AMPH: variants seen among roughly 807,000 people sequenced by gnomAD.
The protein encoded by AMPH is amphiphysin (Stiff-Mann syndrome with breast cancer 128kD autoantigen).
AMPH carries 49 observed loss-of-function variants against 99.1 expected under a neutral mutation model. That is an observed-to-expected ratio of 0.49 (90% CI 0.39 to 0.63). The LOEUF (loss-of-function observed/expected upper bound fraction) is 0.63, where lower values mean the gene tolerates loss of function less well. Among genes scored for constraint, AMPH ranks in the 20% least tolerant of loss-of-function variants. AMPH has a pLI of 0.00. For synonymous variants in AMPH, 314 were observed against 317.3 expected, an observed-to-expected ratio of 0.99 and a Z score of 0.11; for missense variants, 759 against 863.4, an observed-to-expected ratio of 0.88 and a Z score of 1.52.
At chr7:38,493,769 G>C (rs940901923) in intron 4 of AMPH, among the ~76,000 whole-genome samples, 1 of 152,170 alleles carries the variant, frequency 6.6e-6, no homozygotes, top group African/African-American at 2.4e-5. Flanking sequence ...CATTTGGGGA[G>C]GCATAGTCAA....
intron 11 of AMPH, among the ~76,000 whole-genome samples, chr7:38,453,053 A>G (rs2129004158): frequency 6.6e-6 from 1 of 152,352 alleles, no homozygotes; most frequent in East Asian, 1.9e-4. Flanking sequence ...ACAAATGGTC[A>G]TTTAATCCAT....
intron 2 of AMPH, among the ~76,000 whole-genome samples, chr7:38,522,467 G>C (rs1790005576): frequency 6.6e-6 from 1 of 152,164 alleles, no homozygotes; most frequent in Non-Finnish European, 1.5e-5. Flanking sequence ...AGTGAGTATA[G>C]CGGGGAGACT....
chr7:38,484,224 C>A (rs540362890), intron 5 of AMPH, among the ~76,000 whole-genome samples: 37 of 152,066 alleles, frequency 2.4e-4, no homozygotes, highest in African/African-American at 8.9e-4. Flanking sequence ...TGAAAACCTC[C>A]CAAAACTGGG....
At chr7:38,569,540 A>C (rs1471617499) in intron 1 of AMPH, among the ~76,000 whole-genome samples, 2 of 152,074 alleles carry the variant, frequency 1.3e-5, no homozygotes, top group Non-Finnish European at 2.9e-5. Context: ...AGAAAAAAAA[A>C]GGAACATAAA....
At chr7:38,507,029 C>CA (rs1789352944) in intron 2 of AMPH, among the ~76,000 whole-genome samples, 1 of 151,982 alleles carries the variant, frequency 6.6e-6, no homozygotes, top group African/African-American at 2.4e-5. Context: ...CCAGAAATAG[C>CA]AAAAAAGTAG....
Position 38,503,639 on chromosome 7 carries a change from A to G in AMPH, c.205+11T>C. The G allele has an allele frequency of 6.2e-7, 1 of 1,613,252 alleles. No individual in the cohort carries two copies. The highest frequency in any genetic ancestry group is 1.1e-5 in the South Asian group (1 of 91,058). On this transcript the variant is annotated intron_variant, in intron 3 of 20. Transcript: ENST00000356264. The stretch of plus-strand genomic sequence containing the variant: ...CTAAGTAACATGCAGTAAACAACTC[A>G]TACACATTACCTTTGATTGCTGCTA...
rs920063643 is a variant in AMPH at position 38,496,504 on chromosome 7, T to C, written c.206-1977A>G. 3.3e-5 allele frequency among the ~76,000 whole-genome samples: 5 copies of C among 152,062 alleles called. No individual in the cohort carries two copies. In the East Asian group the frequency reaches 9.7e-4, roughly 29 times the overall value. On this transcript the variant is annotated intron_variant, in intron 3 of 20. Transcript: ENST00000356264. ...AGTCTGGGGTAGGAAAAAAACAGTATGACTCAAGACTCTGGGGACTCTGAT... is the reference window on the plus strand; with the variant it reads ...AGTCTGGGGTAGGAAAAAAACAGTACGACTCAAGACTCTGGGGACTCTGAT...
chr7:38,455,910 A>AT (rs1787215573), intron 11 of AMPH, among the ~76,000 whole-genome samples: 1 of 152,214 alleles, frequency 6.6e-6, no homozygotes, highest in Admixed American at 6.5e-5. Flanking sequence ...TCGCACTTTC[A>AT]TGTACTGCTA....
At chr7:38,528,354 A>G (rs1369588608) in intron 2 of AMPH, among the ~76,000 whole-genome samples, 1 of 152,196 alleles carries the variant, frequency 6.6e-6, no homozygotes, top group African/African-American at 2.4e-5. Flanking sequence ...ATCCAGTGAA[A>G]CTATCAGAGG....
chr7:38,471,162 C>T (rs192527196), intron 7 of AMPH, among the ~76,000 whole-genome samples: 14 of 152,204 alleles, frequency 9.2e-5, no homozygotes, highest in Non-Finnish European at 1.6e-4. Context: ...ACCACAAGCC[C>T]CTCCTAGACA....
intron 11 of AMPH, among the ~76,000 whole-genome samples, chr7:38,450,959 T>C (rs1188038020): frequency 6.6e-6 from 1 of 151,652 alleles, no homozygotes; most frequent in African/African-American, 2.4e-5. Context: ...ACTGTGATCA[T>C]AGCTCACTGT....
At chr7:38,528,323 A>G (rs1790266199) in intron 2 of AMPH, among the ~76,000 whole-genome samples, 1 of 152,188 alleles carries the variant, frequency 6.6e-6, no homozygotes, top group African/African-American at 2.4e-5. Flanking sequence ...AATTGATATC[A>G]ATTCTTTAAA....
intron 8 of AMPH, 138 bp downstream of exon 8, chr7:38,466,035 C>G: frequency 1.5e-6 from 1 of 649,788 alleles, no homozygotes; most frequent in South Asian, 2.0e-5. Context: ...GAAATGTTAT[C>G]GAGGGTAATA....
chr7:38,575,971 GT>G (rs1245307717), intron 1 of AMPH, among the ~76,000 whole-genome samples: 2 of 152,162 alleles, frequency 1.3e-5, no homozygotes, highest in African/African-American at 4.8e-5. Flanking sequence ...CACTGTTATA[GT>G]TTTTATTTAG....
At chr7:38,392,104 C>G (rs1457784281) in intron 18 of AMPH, 87 bp from the exon 19 acceptor site, 1 of 1,404,814 alleles carries the variant, frequency 7.1e-7, no homozygotes, top group Non-Finnish European at 9.6e-7. Flanking sequence ...AGCCCCCAGC[C>G]CAAAGCTGGG....
intron 1 of AMPH, among the ~76,000 whole-genome samples, chr7:38,537,416 T>G (rs1790654016): frequency 1.3e-5 from 2 of 152,188 alleles, no homozygotes; most frequent in Non-Finnish European, 2.9e-5. Context: ...TATTTTTATC[T>G]AACCCCACTG....
intron 7 of AMPH, among the ~76,000 whole-genome samples, chr7:38,472,012 C>T (rs1442747322): frequency 6.6e-5 from 10 of 151,978 alleles, no homozygotes; most frequent in African/African-American, 1.9e-4. Flanking sequence ...CAGAAATAAG[C>T]CCAATAATGG....
At chr7:38,546,888 T>A (rs745827233) in intron 1 of AMPH, among the ~76,000 whole-genome samples, 18 of 152,180 alleles carry the variant, frequency 1.2e-4, no homozygotes, top group Non-Finnish European at 2.4e-4. Flanking sequence ...TTCTCCACCC[T>A]TCTCCACACT....
chr7:38,482,918 T>G (rs946588165), intron 5 of AMPH, among the ~76,000 whole-genome samples: 1 of 152,086 alleles, frequency 6.6e-6, no homozygotes, highest in Admixed American at 6.6e-5. Context: ...CATACAGATT[T>G]AATACCAACA....
Sources: allele counts gnomAD v4.1 joint callset (sites outside exome capture counted in the v4.1 genomes callset), GRCh38; gene constraint gnomAD v4.1.1; transcripts MANE v1.5; gene names NCBI Gene and HGNC (gene_info 2026-07-23, HGNC 2026-07-21).